The following RBFOX1 variants were observed in gnomAD, a reference collection of about 807,000 sequenced individuals.
RBFOX1 encodes the protein RNA binding fox-1 homolog 1.
In RBFOX1, 8 loss-of-function variants were observed where a neutral mutation model predicts 57.7. The ratio of observed to expected loss-of-function variants is 0.14; its 90% CI spans 0.08 to 0.25. RBFOX1 has a LOEUF of 0.25. Ranked by LOEUF, RBFOX1 falls within the 10% of genes least tolerant of loss-of-function variation. The probability of loss-of-function intolerance (pLI) is 1.00; values close to 1 mark genes in which losing one functional copy is unlikely to be tolerated. For missense variants in RBFOX1, 611 were observed against 548.5 expected (o/e 1.11, Z -1.14); for synonymous variants, 326 against 222.4 (o/e 1.47, Z -4.15).
intron 2 of RBFOX1, among the ~76,000 whole-genome samples, chr16:6,551,006 A>G (rs192182059): frequency 1.3e-5 from 2 of 152,174 alleles, no homozygotes; most frequent in Non-Finnish European, 2.9e-5. Flanking sequence ...ACAGGAGAAC[A>G]GTGAGCTGAC....
At chr16:6,446,764 G>C (rs2094494465) in intron 2 of RBFOX1, among the ~76,000 whole-genome samples, 1 of 151,966 alleles carries the variant, frequency 6.6e-6, no homozygotes, top group African/African-American at 2.4e-5. Flanking sequence ...TATTTATTTA[G>C]TGTCTGCATT....
At position 7,668,637 on chromosome 16, in the gene RBFOX1, C is replaced by T. The variant is rs116456438; in HGVS notation, c.930+3669C>T. ...GGGTAGGAATGATCTTTATCTGAGT[C>T]CCTTCTACCTGAGAACAGAACAGAA... On this transcript the variant is annotated intron_variant, in intron 13 of 15. Coordinates refer to ENST00000550418, the MANE Select transcript of RBFOX1 (RefSeq NM_018723.4). Among the ~76,000 whole-genome samples, 990 of 150,820 alleles carry T rather than the reference C, an allele frequency of 6.6e-3. 11 individuals carry two copies. Among genetic ancestry groups the T allele is most frequent in the African/African-American group, 0.023 (950 of 41,222 alleles).
chr16:7,697,986 C>T (rs902028181), intron 14 of RBFOX1, among the ~76,000 whole-genome samples: 1 of 151,962 alleles, frequency 6.6e-6, no homozygotes, highest in East Asian at 1.9e-4. Flanking sequence ...GTTGTGGGGA[C>T]AGAGGGAGCA....
intron 1 of RBFOX1, among the ~76,000 whole-genome samples, chr16:6,291,313 C>G (rs1395640758): frequency 6.6e-6 from 1 of 152,174 alleles, no homozygotes; most frequent in Non-Finnish European, 1.5e-5. Context: ...GATGGAGTTG[C>G]TCTGATTCAA....
intron 2 of RBFOX1, among the ~76,000 whole-genome samples, chr16:6,489,847 C>G (rs193024850): frequency 4.6e-5 from 7 of 152,212 alleles, no homozygotes; most frequent in Non-Finnish European, 7.3e-5. Context: ...AAGGGAAACA[C>G]TAATGTACAG....
chr16:7,440,784 C>G (rs535672272), intron 4 of RBFOX1, among the ~76,000 whole-genome samples: 177 of 152,188 alleles, frequency 1.2e-3, no homozygotes, highest in African/African-American at 4.1e-3. Flanking sequence ...CAACTTCATC[C>G]CTTCCTCTCT....
chr16:6,554,755 CACAG>C lies in RBFOX1; in HGVS notation c.-63-99844_-63-99841del, dbSNP rs1356671743. Among the ~76,000 whole-genome samples the C allele has an allele frequency of 4.1e-3, 602 of 146,118 alleles. 4 individuals are homozygous for C. Among genetic ancestry groups the C allele is most frequent in the African/African-American group, 0.014 (523 of 37,600 alleles). Reference sequence around the variant, plus strand: ...ACACACACACACACACACACACACACACAGACACACACACAAAGGTACACAGACA... The same window carrying C: ...ACACACACACACACACACACACACACACACACACACAAAGGTACACAGACA... On this transcript the variant is annotated intron_variant, in intron 2 of 15. Transcript: ENST00000550418.
At chr16:5,301,931 A>C (rs2063817312) in intron 1 of RBFOX1, among the ~76,000 whole-genome samples, 1 of 152,030 alleles carries the variant, frequency 6.6e-6, no homozygotes, top group Non-Finnish European at 1.5e-5. Context: ...TATTGTTCAT[A>C]TGTTTTTTAT....
chr16:6,445,964 A>AT (rs1197873042), intron 2 of RBFOX1, among the ~76,000 whole-genome samples: 7 of 94,918 alleles, frequency 7.4e-5, no homozygotes, highest in African/African-American at 3.1e-4. Context: ...CACTTTTTTA[A>AT]ATTTTTTTTT....
At chr16:5,392,159 A>G (rs985380690) in intron 1 of RBFOX1, among the ~76,000 whole-genome samples, 1 of 152,104 alleles carries the variant, frequency 6.6e-6, no homozygotes, top group Non-Finnish European at 1.5e-5. Flanking sequence ...ATGAGGGATA[A>G]AAGACTACAA....
chr16:5,373,142 C>G (rs775988555), intron 1 of RBFOX1, among the ~76,000 whole-genome samples: 1 of 152,162 alleles, frequency 6.6e-6, no homozygotes, highest in Non-Finnish European at 1.5e-5. Context: ...TGGATTTTCT[C>G]GGCAGAACCA....
intron 4 of RBFOX1, among the ~76,000 whole-genome samples, chr16:7,254,768 C>T (rs1164575046): frequency 6.6e-6 from 1 of 152,080 alleles, no homozygotes; most frequent in Non-Finnish European, 1.5e-5. Context: ...AGCATTATTG[C>T]TCATACCTAG....
intron 2 of RBFOX1, among the ~76,000 whole-genome samples, chr16:5,533,131 C>G (rs2044553338): frequency 6.6e-6 from 1 of 152,088 alleles, no homozygotes; most frequent in African/African-American, 2.4e-5. Context: ...TTCGTCATAA[C>G]AGGTGGGAGA....
intron 2 of RBFOX1, among the ~76,000 whole-genome samples, chr16:6,632,753 G>A (rs1266174160): frequency 1.3e-5 from 2 of 152,218 alleles, no homozygotes. Flanking sequence ...CAGCCGCAAG[G>A]CCTATGACCT....
At chr16:5,334,449 G>T (rs188757435) in intron 1 of RBFOX1, among the ~76,000 whole-genome samples, 186 of 152,192 alleles carry the variant, frequency 1.2e-3, no homozygotes, top group African/African-American at 4.2e-3. Context: ...TCTCTCTGGG[G>T]TTGTCTCAGG....
chr16:7,002,418 CT>C (rs1273134576), intron 3 of RBFOX1, among the ~76,000 whole-genome samples: 1 of 152,174 alleles, frequency 6.6e-6, no homozygotes. Context: ...TAAAAAAGAT[CT>C]TTTCAACTAT....
chr16:5,377,339 G>A (rs1352719801), intron 1 of RBFOX1, among the ~76,000 whole-genome samples: 1 of 151,442 alleles, frequency 6.6e-6, no homozygotes, highest in Admixed American at 6.6e-5. Flanking sequence ...GAGAAGTCAA[G>A]AAAGCCCCCT....
At chr16:6,127,117 G>T (rs1435756072) in intron 1 of RBFOX1, among the ~76,000 whole-genome samples, 2 of 152,120 alleles carry the variant, frequency 1.3e-5, no homozygotes, top group Non-Finnish European at 1.5e-5. Flanking sequence ...TAGGCCTCAG[G>T]TTAGGAACAA....
chr16:7,661,666 G>T (rs2067772687), intron 12 of RBFOX1, among the ~76,000 whole-genome samples: 1 of 152,228 alleles, frequency 6.6e-6, no homozygotes, highest in African/African-American at 2.4e-5. Context: ...GGAGGGCAGG[G>T]TTACTGAGGG....
Sources: gnomAD v4.1 joint callset for allele counts (sites outside exome capture counted in the v4.1 genomes callset) on GRCh38, gnomAD v4.1.1 for gene constraint, MANE v1.5 for transcripts, NCBI Gene and HGNC (gene_info 2026-07-23, HGNC 2026-07-21) for gene names.